The following ABCA2 variants were observed in gnomAD, a reference collection of about 807,000 sequenced individuals.
ABCA2 encodes ATP binding cassette subfamily A member 2.
ABCA2 carries 84 observed loss-of-function variants against 262.8 expected under a neutral mutation model. The observed-to-expected ratio is 0.32, with a 90% confidence interval of 0.27 to 0.38. The LOEUF is 0.38. ABCA2 is among the 10% of genes least tolerant of loss of function. ABCA2 has a pLI of 1.00. For missense variants in ABCA2, 2,662 were observed against 3,405.9 expected (o/e 0.78, Z 5.44); for synonymous variants, 1,696 against 1,502.9 (o/e 1.13, Z -2.97).
At chr9:137,017,163 CA>C (rs748917497) in intron 18 of ABCA2, 32 bp downstream of exon 18, 2 of 1,611,716 alleles carry the variant, frequency 1.2e-6, no homozygotes, top group Non-Finnish European at 1.7e-6. Flanking sequence ...GGTGGCCCGG[CA>C]CCCCAGCCGC....
rs1228657552 is a variant in ABCA2, at chr9:137,011,124, G to A, written c.5924-19C>T. On this transcript the variant is annotated intron_variant, in intron 38 of 48. Coordinates refer to ENST00000341511, the MANE Select transcript of ABCA2 (RefSeq NM_001606.5). The surrounding 1 kb of genome is among the most constrained non-coding windows in gnomAD (Gnocchi z 8.8). The stretch of plus-strand genomic sequence containing the variant: ...AACTGGCCTGCGGGGAGACAGCTCA[G>A]GGCCTGTGCTCTGGGCCTTGCGGGG... 1.2e-6 allele frequency: 2 copies of A among 1,612,112 alleles called. No individual in the cohort carries two copies. Among genetic ancestry groups the A allele is most frequent in the African/African-American group, 2.7e-5 (2 of 74,792 alleles).
intron 20 of ABCA2, 36 bp downstream of exon 20, chr9:137,016,538 C>G: frequency 6.2e-7 from 1 of 1,611,962 alleles, no homozygotes; most frequent in Non-Finnish European, 8.5e-7. Context: ...CTGAACCCAG[C>G]GCCCACCCCA....
At position 137,018,213 on chromosome 9, in the gene ABCA2, C is replaced by A; in HGVS notation, c.1958G>T (p.Arg653Leu). 1 of 1,611,562 alleles carries A rather than the reference C, an allele frequency of 6.2e-7. No homozygotes were observed. Among genetic ancestry groups the A allele is most frequent in the Non-Finnish European group, 8.5e-7 (1 of 1,179,722 alleles). Residue 653 changes from arginine to leucine, a missense_variant, in exon 14 of 49, where the codon CGC becomes CTC. Transcript: ENST00000341511. ...YWRPGPNTGG[R>L]FYFLYGFVWI... Reference sequence around the variant, plus strand: ...GACGAAGCCGTAGAGGAAGTAGAAGCGGCCGCCAGTATTGGGCCCAGGCCG... The same window carrying A: ...GACGAAGCCGTAGAGGAAGTAGAAGAGGCCGCCAGTATTGGGCCCAGGCCG...
chr9:137,022,895 TG>T, intron 4 of ABCA2, 30 bp from the exon 5 acceptor site: 1 of 453,468 alleles, frequency 2.2e-6, no homozygotes, highest in Non-Finnish European at 3.7e-6. Flanking sequence ...ACTCACTGGA[TG>T]GGCTGGGGAG....
At position 137,016,323 on chromosome 9, in the gene ABCA2, C is replaced by T. The variant is rs368564622; in HGVS notation, c.3072G>A (p.Leu1024=). The T allele has an allele frequency of 2.5e-6, 4 of 1,612,690 alleles. No individual in the cohort carries two copies. The highest frequency in any genetic ancestry group is 1.7e-5 in the Admixed American group (1 of 59,996). Residue 1024 remains leucine (L), a synonymous_variant, in exon 21 of 49, where the codon TTG becomes TTA. Transcript: ENST00000341511. ...TGGTCTTGCCCGCCCCGTTGTGGCC[C>T]AAGAAGGAGACCACCTGGTTCTCGT... ...NLYENQVVSF[L]GHNGAGKTTT...
chr9:137,016,878 G>T (rs1356107983), intron 19 of ABCA2, 42 bp downstream of exon 19: 2 of 1,600,196 alleles, frequency 1.2e-6, no homozygotes, highest in East Asian at 2.2e-5. Context: ...CCCTGGCTGG[G>T]GACCCCTGCC....
At position 137,012,478 on chromosome 9, in the gene ABCA2, C is replaced by T. The variant is rs555898396; in HGVS notation, c.5187+7G>A. 19 of 1,611,044 alleles carry T rather than the reference C, an allele frequency of 1.2e-5. No homozygotes were observed. The highest frequency in any genetic ancestry group is 5.3e-5 in the African/African-American group (4 of 74,932). On this transcript the variant is annotated splice_region_variant and intron_variant, in intron 32 of 48. Transcript: ENST00000341511. ...ACAGCGGGGCCCAGGCCCGCAGCCT[C>T]GCTCACCTGGGCAGCCCTGCGCACC... is the stretch of plus-strand genomic sequence containing the variant.
At chr9:137,028,835 G>A (rs374288521), upstream of ABCA2, 26 of 1,317,004 alleles carry the variant, frequency 2.0e-5, no homozygotes, top group African/African-American at 6.3e-5. The surrounding 1 kb of genome is among the most constrained non-coding windows in gnomAD (Gnocchi z 6.9). Flanking sequence ...AGGGGACCGA[G>A]GCGGCCCCTG....
Position 137,021,711 on chromosome 9 carries a change from G to A in ABCA2, c.679-101C>T. On this transcript the variant is annotated intron_variant, in intron 7 of 48. Coordinates refer to ENST00000341511, the MANE Select transcript of ABCA2 (RefSeq NM_001606.5). This position sits in a 1 kb window ranked among gnomAD's most constrained non-coding sequence, Gnocchi z 6.0. Reference sequence around the variant, plus strand: ...TGCCCCACCCACTGGCTGGCTCTGGGGCTGCCTGGGTCCCACGACATGCCT... The same window carrying A: ...TGCCCCACCCACTGGCTGGCTCTGGAGCTGCCTGGGTCCCACGACATGCCT... 4 of 1,352,716 alleles carry A rather than the reference G, an allele frequency of 3.0e-6. No homozygotes were observed. Among genetic ancestry groups the A allele is most frequent in the Non-Finnish European group, 4.0e-6 (4 of 988,330 alleles). The allele number at this position is 1,352,716 out of a possible 1,614,324, so 83.8% of individuals were successfully genotyped here.
chr9:137,018,074 G>C lies in ABCA2; in HGVS notation c.1995C>G (p.Asp665Glu). 6.2e-7 allele frequency: 1 copy of C among 1,612,296 alleles called. No homozygotes were observed. Among genetic ancestry groups the C allele is most frequent in the South Asian group, 1.1e-5 (1 of 91,058 alleles). The change falls in exon 15 of 49, where the codon GAC becomes GAG. Residue 665 changes from aspartate to glutamate, a missense_variant and splice_region_variant. Physicochemically the swap from Asp to Glu is conservative, Grantham distance 45. This residue lies in a region of ABCA2 where 188 missense variants were observed against 343.4 expected (regional missense o/e 0.55). Transcript: ENST00000341511. Reference protein sequence around the residue: ...YFLYGFVWIQDMMERAIIDTF... With the variant: ...YFLYGFVWIQEMMERAIIDTF... ...TGTCGATGATGGCGCGCTCCATCAT[G>C]TCTGTGGGTGGGGGCAGCCATCAGG...
Position 137,018,329 on chromosome 9 carries a change from C to T in ABCA2, c.1842G>A (p.Lys614=), listed in dbSNP as rs201714059. The T allele has an allele frequency of 6.4e-6, 10 of 1,572,048 alleles. No individual in the cohort carries two copies. The highest frequency in any genetic ancestry group is 2.2e-5 in the South Asian group (2 of 89,942). The change falls in exon 14 of 49, where the codon AAG becomes AAA. Residue 614 remains lysine, a synonymous_variant. Transcript: ENST00000341511. ...VFASVIFQTR[K]DGSLPPHVHY... Reference sequence around the variant, plus strand: ...GCACGTGAGGCGGGAGCGAGCCGTCCTTCCGGGTCTGGAAGATCACACCTG... The same window carrying T: ...GCACGTGAGGCGGGAGCGAGCCGTCTTTCCGGGTCTGGAAGATCACACCTG...
chr9:137,018,121 C>T (rs1432542973), intron 14 of ABCA2, 46 bp from the exon 15 acceptor site: 1 of 1,610,064 alleles, frequency 6.2e-7, no homozygotes, highest in Non-Finnish European at 8.5e-7. Flanking sequence ...CCCTCTCGTC[C>T]TCACACCTGT....
chr9:137,021,979 G>C lies in ABCA2; in HGVS notation c.590C>G (p.Pro197Arg), dbSNP rs574467529. Residue 197 changes from proline (P) to arginine (R), a missense_variant, in exon 7 of 49, where the codon CCC (proline) becomes CGC (arginine). Physicochemically the swap from Pro to Arg is moderately radical, Grantham distance 103. Transcript: ENST00000341511. This position sits in a 1 kb window ranked among gnomAD's most constrained non-coding sequence, Gnocchi z 6.0. ...PPEVYHLLFG[P>R]SSALDSQSGL... ...AGACTGTGAATCCAGGGCAGATGAG[G>C]GACCAAAGAGCAGGTGGTAGACCTA... is the stretch of plus-strand genomic sequence containing the variant. 8 of 1,601,210 alleles carry C rather than the reference G, an allele frequency of 5.0e-6. No individual in the cohort carries two copies. In the South Asian group the frequency reaches 9.0e-5, roughly 18 times the overall value.
intron 45 of ABCA2, 120 bp from the exon 46 acceptor site, chr9:137,009,173 C>A (rs1588505293): frequency 1.8e-6 from 2 of 1,100,770 alleles, no homozygotes; most frequent in Admixed American, 4.2e-5. Flanking sequence ...CTCCCACAGC[C>A]CCCCAACCCC....
Position 137,022,013 on chromosome 9 carries a change from G to T in ABCA2, c.568-12C>A, listed in dbSNP as rs746658810. On this transcript the variant is annotated splice_polypyrimidine_tract_variant and intron_variant, in intron 6 of 48. Transcript: ENST00000341511. Reference sequence around the variant, plus strand: ...AGCAGGTGGTAGACCTAGGAGGTGTGGGGGAATGGCTCAGATGGGGTGTGG... The same window carrying T: ...AGCAGGTGGTAGACCTAGGAGGTGTTGGGGAATGGCTCAGATGGGGTGTGG... 1 of 1,568,584 alleles carries T rather than the reference G, an allele frequency of 6.4e-7. No homozygotes were observed. The highest frequency in any genetic ancestry group is 1.2e-5 in the South Asian group (1 of 86,022).
Position 137,007,920 on chromosome 9 carries a change from T to C in ABCA2, c.*9A>G. The C allele has an allele frequency of 2.5e-6, 4 of 1,605,606 alleles. No homozygotes were observed. The highest frequency in any genetic ancestry group is 2.5e-6 in the Non-Finnish European group (3 of 1,179,834). On this transcript the variant is annotated 3_prime_UTR_variant, in exon 49 of 49. Transcript: ENST00000341511. ...TGGAGCGTGTCCTCCCTGGCCCAGC[T>C]CTGGGTGGTCAGCAGAGCGTGTCCG...
intron 1 of ABCA2, among the ~76,000 whole-genome samples, chr9:137,027,187 T>G (rs1831680320): frequency 6.6e-6 from 1 of 152,238 alleles, no homozygotes; most frequent in South Asian, 2.1e-4. Flanking sequence ...GGTCCAGGCC[T>G]GTGGCCTGGG....
chr9:137,023,185 G>A (rs1291615633), intron 3 of ABCA2, 133 bp from the exon 4 acceptor site: 2 of 752,652 alleles, frequency 2.7e-6, no homozygotes, highest in Non-Finnish European at 4.4e-6. Context: ...CAGCGTTAGG[G>A]AGAAGGCGGC....
upstream of ABCA2, chr9:137,028,257 G>C: frequency 1.0e-6 from 1 of 978,454 alleles, no homozygotes; most frequent in Non-Finnish European, 1.2e-6. This position sits in a 1 kb window ranked among gnomAD's most constrained non-coding sequence, Gnocchi z 6.9. Context: ...GCGCTCGGGC[G>C]TCCGGGACCC....
Sources: allele counts gnomAD v4.1 joint callset (sites outside exome capture counted in the v4.1 genomes callset), GRCh38; gene constraint gnomAD v4.1.1; regional missense constraint gnomAD v4.1.1; non-coding constraint Gnocchi (gnomAD v3.1); transcripts MANE v1.5; gene names NCBI Gene and HGNC (gene_info 2026-07-23, HGNC 2026-07-21).